IQGAP2: variants seen among roughly 807,000 people sequenced by gnomAD.
IQGAP2 encodes IQ motif containing GTPase activating protein 2.
IQGAP2 carries 173 observed loss-of-function variants against 201.3 expected under a neutral mutation model. That is an observed-to-expected ratio of 0.86 (90% CI 0.76 to 0.98). The LOEUF (loss-of-function observed/expected upper bound fraction) is 0.98. Among genes scored for constraint, IQGAP2 ranks in the 50% least tolerant of loss-of-function variants. IQGAP2 has a pLI of 0.00. For synonymous variants in IQGAP2, 675 were observed against 673.9 expected, an observed-to-expected ratio of 1.00 and a Z score of -0.03; for missense variants, 1,687 against 1,864.8, an observed-to-expected ratio of 0.90 and a Z score of 1.76.
At chr5:76,684,104 A>G (rs1053932326) in intron 30 of IQGAP2, among the ~76,000 whole-genome samples, 187 bp downstream of exon 30, 1 of 152,240 alleles carries the variant, frequency 6.6e-6, no homozygotes, top group African/African-American at 2.4e-5. Flanking sequence ...ATTAAATATT[A>G]TAATAGTTTA....
Position 76,403,479 on chromosome 5 carries a change from C to A in IQGAP2, c.-67C>A. 7.8e-7 allele frequency: 1 copy of A among 1,274,144 alleles called. No individual in the cohort carries two copies. The highest frequency in any genetic ancestry group is 3.2e-5 in the East Asian group (1 of 31,644). The allele number at this position is 1,274,144 out of a possible 1,614,324, so 78.9% of individuals were successfully genotyped here. On this transcript the variant is annotated 5_prime_UTR_variant, in exon 1 of 36. Coordinates refer to ENST00000274364, the MANE Select transcript of IQGAP2 (RefSeq NM_006633.5). This position sits in a 1 kb window ranked among gnomAD's most constrained non-coding sequence, Gnocchi z 4.8. ...GAGCGCGCCGGCGGGGCGCAGAGCC[C>A]GCGAGCCTGGCCAGCGAGGGTAGCC... is the stretch of plus-strand genomic sequence containing the variant.
chr5:76,608,475 C>T (rs3797388), intron 12 of IQGAP2, among the ~76,000 whole-genome samples: 8,825 of 152,078 alleles, frequency 0.058, 717 homozygotes, highest in East Asian at 0.43. Context: ...TAAAATACAC[C>T]ATTGTAACCA....
At chr5:76,542,935 T>G (rs1366693201) in intron 2 of IQGAP2, among the ~76,000 whole-genome samples, 3 of 152,228 alleles carry the variant, frequency 2.0e-5, no homozygotes, top group Non-Finnish European at 4.4e-5. Flanking sequence ...TGTGTGCCCA[T>G]TCATTTAATA....
chr5:76,420,698 A>C (rs544063388), intron 1 of IQGAP2, among the ~76,000 whole-genome samples: 86 of 152,148 alleles, frequency 5.7e-4, no homozygotes, highest in Non-Finnish European at 1.1e-3. Context: ...TATCTTCCCA[A>C]ACTGAAACTC....
At chr5:76,628,375 A>G (rs1280063553) in intron 14 of IQGAP2, among the ~76,000 whole-genome samples, 1 of 152,012 alleles carries the variant, frequency 6.6e-6, no homozygotes, top group Non-Finnish European at 1.5e-5. Context: ...GGGTCCCTAA[A>G]CTCTTTCTGT....
intron 13 of IQGAP2, chr5:76,617,008 A>G (rs1749040285): frequency 6.5e-6 from 1 of 152,820 alleles, no homozygotes; most frequent in South Asian, 2.1e-4. Context: ...CAAGGATGGC[A>G]ATACCACTCA....
chr5:76,496,745 C>CTTTCTTTCT lies in IQGAP2; in HGVS notation c.146+35079_146+35087dup, dbSNP rs1580321549. Among the ~76,000 whole-genome samples, 11 of 51,104 alleles carry CTTTCTTTCT rather than the reference C, an allele frequency of 2.2e-4. No individual in the cohort carries two copies. In the South Asian group the frequency reaches 2.8e-3, roughly 13 times the overall value. The allele number at this position is 51,104 out of a possible 152,430, so 33.5% of individuals were successfully genotyped here. On this transcript the variant is annotated intron_variant, in intron 2 of 35. Coordinates refer to ENST00000274364, the MANE Select transcript of IQGAP2 (RefSeq NM_006633.5). Reference sequence around the variant, plus strand: ...CTTTCTTTTCTTTCTTTCTTTCTTTCTTTCTTTCTTTCTTTCTTTCTTTCT... The same window carrying CTTTCTTTCT: ...CTTTCTTTTCTTTCTTTCTTTCTTTCTTTCTTTCTTTTCTTTCTTTCTTTCTTTCTTTCT...
intron 30 of IQGAP2, 77 bp from the exon 31 acceptor site, chr5:76,693,278 C>T: frequency 2.3e-6 from 2 of 862,146 alleles, no homozygotes; most frequent in Non-Finnish European, 3.7e-6. Context: ...TGTGTTTGTG[C>T]ACTCTCTTAG....
intron 1 of IQGAP2, among the ~76,000 whole-genome samples, chr5:76,457,107 C>A (rs1458311184): frequency 6.6e-6 from 1 of 152,102 alleles, no homozygotes; most frequent in Non-Finnish European, 1.5e-5. Context: ...CTGCCTCAGC[C>A]TTCCGAGTAG....
chr5:76,553,949 T>TG (rs1743736428), intron 2 of IQGAP2, among the ~76,000 whole-genome samples: 1 of 152,228 alleles, frequency 6.6e-6, no homozygotes, highest in Non-Finnish European at 1.5e-5. Flanking sequence ...TGATGACACA[T>TG]GAAGTATCTC....
intron 15 of IQGAP2, among the ~76,000 whole-genome samples, chr5:76,635,722 T>C (rs1751073194): frequency 6.6e-6 from 1 of 151,958 alleles, no homozygotes; most frequent in African/African-American, 2.4e-5. Context: ...GATCCTGTGG[T>C]CCCAGCTACT....
chr5:76,642,813 C>A (rs1168837199), intron 17 of IQGAP2, among the ~76,000 whole-genome samples: 1 of 152,214 alleles, frequency 6.6e-6, no homozygotes, highest in Non-Finnish European at 1.5e-5. Context: ...GGCTACACCA[C>A]CCTCCCTGCC....
chr5:76,445,520 A>G (rs1275352192), intron 1 of IQGAP2, among the ~76,000 whole-genome samples: 4 of 148,350 alleles, frequency 2.7e-5, no homozygotes, highest in Non-Finnish European at 4.4e-5. Flanking sequence ...GCTGGAGTGC[A>G]ATGGTGTGGT....
chr5:76,610,114 A>ATATAT (rs1748235626), intron 12 of IQGAP2, among the ~76,000 whole-genome samples: 1 of 9,894 alleles, frequency 1.0e-4, no homozygotes, highest in Non-Finnish European at 1.5e-4. Flanking sequence ...ATATATATAT[A>ATATAT]TTTTTTTTTT....
At chr5:76,404,583 T>C in intron 1 of IQGAP2, 1 of 720,302 alleles carries the variant, frequency 1.4e-6, no homozygotes, top group Non-Finnish European at 1.7e-6. Flanking sequence ...GTTTTGTTTG[T>C]GTGTGTGTGT....
chr5:76,441,491 G>A (rs1050566000), intron 1 of IQGAP2: 4 of 985,182 alleles, frequency 4.1e-6, no homozygotes, highest in East Asian at 1.1e-4. Context: ...AAGGAATTAC[G>A]AGCCTGGAAG....
intron 2 of IQGAP2, among the ~76,000 whole-genome samples, chr5:76,555,296 G>A (rs1743864503): frequency 6.6e-6 from 1 of 152,136 alleles, no homozygotes; most frequent in South Asian, 2.1e-4. Flanking sequence ...ATGATGTGTG[G>A]ATTATATCTC....
chr5:76,471,517 G>A (rs77777026), intron 2 of IQGAP2, among the ~76,000 whole-genome samples: 3,160 of 152,140 alleles, frequency 0.021, 111 homozygotes, highest in African/African-American at 0.072. Context: ...AACAAAACAC[G>A]GGTGTGATTC....
chr5:76,601,506 G>A (rs1284244744), intron 11 of IQGAP2, among the ~76,000 whole-genome samples: 6 of 152,206 alleles, frequency 3.9e-5, no homozygotes, highest in Non-Finnish European at 8.8e-5. Context: ...TCTGAAGTGT[G>A]CTACCAGATA....
Sources: gnomAD v4.1 joint callset for allele counts (sites outside exome capture counted in the v4.1 genomes callset) on GRCh38, gnomAD v4.1.1 for gene constraint, Gnocchi (gnomAD v3.1) non-coding constraint, MANE v1.5 for transcripts, NCBI Gene and HGNC (gene_info 2026-07-23, HGNC 2026-07-21) for gene names.